DNAAF4: variants seen among roughly 807,000 people sequenced by gnomAD.
The protein encoded by DNAAF4 is dynein assembly factor 4, axonemal.
A neutral mutation model predicts 51.8 loss-of-function variants in DNAAF4; 43 were observed. That is an observed-to-expected ratio of 0.83 (90% CI 0.65 to 1.07). The LOEUF (loss-of-function observed/expected upper bound fraction) is 1.07, where lower values mean the gene tolerates loss of function less well. Ranked by LOEUF, DNAAF4 falls within the 50% of genes least tolerant of loss-of-function variation. The pLI, the probability that DNAAF4 is intolerant of heterozygous loss-of-function variation, is 0.00. For synonymous variants in DNAAF4, 194 were observed against 165.6 expected, an observed-to-expected ratio of 1.17 and a Z score of -1.32; for missense variants, 581 against 493.0, an observed-to-expected ratio of 1.18 and a Z score of -1.69.
intron 4 of DNAAF4, among the ~76,000 whole-genome samples, chr15:55,489,230 C>T (rs80205059): frequency 0.021 from 3,261 of 152,042 alleles, 133 homozygotes; most frequent in African/African-American, 0.075. Context: ...ATATCTATTG[C>T]CACAAATTCT....
chr15:55,437,808 T>C (rs2057639934), intron 7 of DNAAF4, among the ~76,000 whole-genome samples: 1 of 152,202 alleles, frequency 6.6e-6, no homozygotes, highest in Non-Finnish European at 1.5e-5. Context: ...GCTTTTCTCC[T>C]AGAGCCTTCA....
At chr15:55,427,165 C>G (rs1460293358), downstream of DNAAF4, among the ~76,000 whole-genome samples, 1 of 152,060 alleles carries the variant, frequency 6.6e-6, no homozygotes, top group East Asian at 1.9e-4. Context: ...CTCCTGGGTT[C>G]AAGCAATTCT....
intron 5 of DNAAF4, among the ~76,000 whole-genome samples, chr15:55,457,412 G>A (rs78297204): frequency 0.037 from 5,556 of 152,168 alleles, 101 homozygotes; most frequent in African/African-American, 0.05. Context: ...CACCCAAGGG[G>A]AGCCTGAGCC....
At chr15:55,420,503 G>A (rs776578862) in intron 7 of DNAAF4, among the ~76,000 whole-genome samples, 14 of 152,078 alleles carry the variant, frequency 9.2e-5, no homozygotes, top group South Asian at 6.2e-4. Context: ...TGAGTCATAA[G>A]GGGATTATAA....
intron 4 of DNAAF4, among the ~76,000 whole-genome samples, chr15:55,472,589 GC>G (rs1450104493): frequency 6.6e-6 from 1 of 152,072 alleles, no homozygotes; most frequent in Admixed American, 6.6e-5. Flanking sequence ...CTGCACTCTA[GC>G]CTGGGTGACA....
At chr15:55,455,001 G>A (rs1016872079) in intron 5 of DNAAF4, among the ~76,000 whole-genome samples, 1 of 148,886 alleles carries the variant, frequency 6.7e-6, no homozygotes, top group Non-Finnish European at 1.5e-5. Context: ...GTACAGATAA[G>A]TAAATAAAAA....
chr15:55,506,239 C>T (rs960670290), intron 1 of DNAAF4, among the ~76,000 whole-genome samples: 12 of 152,016 alleles, frequency 7.9e-5, no homozygotes, highest in Non-Finnish European at 4.4e-5. Flanking sequence ...GAAACACAAC[C>T]CCACAATAAA....
chr15:55,428,489 T>TCTTTTTC (rs1566997188), downstream of DNAAF4, among the ~76,000 whole-genome samples: 1 of 110,196 alleles, frequency 9.1e-6, no homozygotes, highest in Non-Finnish European at 1.9e-5. Flanking sequence ...TTTTTCTTTT[T>TCTTTTTC]TTTTTTTTTT....
At chr15:55,432,667 T>A in intron 8 of DNAAF4, 65 bp from the exon 9 acceptor site, 1 of 1,417,014 alleles carries the variant, frequency 7.1e-7, no homozygotes, top group Non-Finnish European at 9.7e-7. Flanking sequence ...AGCAAAAGGC[T>A]GGGCATGGTG....
intron 6 of DNAAF4, among the ~76,000 whole-genome samples, chr15:55,446,379 G>C (rs1214607190): frequency 2.7e-5 from 3 of 112,270 alleles, no homozygotes; most frequent in African/African-American, 3.6e-5. Flanking sequence ...CATCCCAGAT[G>C]ATGGGCGGCC....
At chr15:55,457,243 G>A (rs2058033812) in intron 5 of DNAAF4, among the ~76,000 whole-genome samples, 1 of 152,132 alleles carries the variant, frequency 6.6e-6, no homozygotes, top group Non-Finnish European at 1.5e-5. Flanking sequence ...GACTGGCCTT[G>A]GTGGCTGCCT....
chr15:55,496,159 A>C (rs1458676165), intron 3 of DNAAF4, among the ~76,000 whole-genome samples: 1 of 152,132 alleles, frequency 6.6e-6, no homozygotes, highest in Non-Finnish European at 1.5e-5. Context: ...AAACCTAGGG[A>C]GGCGGAGGTT....
chr15:55,431,381 C>T (rs1037927136), intron 9 of DNAAF4, among the ~76,000 whole-genome samples: 1 of 151,382 alleles, frequency 6.6e-6, no homozygotes, highest in Non-Finnish European at 1.5e-5. Flanking sequence ...CACACACACA[C>T]ACACACACAA....
At position 55,448,173 on chromosome 15, in the gene DNAAF4, C is replaced by T. The variant is rs184131689; in HGVS notation, c.783+2049G>A. The stretch of plus-strand genomic sequence containing the variant: ...TTCTGCATCTGGTGAGATAATCATG[C>T]GGTTTTTATCTTTGGTTCTGTTTAT... On this transcript the variant is annotated intron_variant, in intron 6 of 9. Coordinates refer to ENST00000321149, the MANE Select transcript of DNAAF4 (RefSeq NM_130810.4). Among the ~76,000 whole-genome samples, 122 of 152,042 alleles carry T rather than the reference C, an allele frequency of 8.0e-4. 1 individual carries two copies. Among genetic ancestry groups the T allele is most frequent in the African/African-American group, 2.8e-3 (115 of 41,474 alleles).
chr15:55,433,932 A>AATAT (rs2057554210), intron 8 of DNAAF4, among the ~76,000 whole-genome samples: 4 of 3,522 alleles, frequency 1.1e-3, no homozygotes, highest in Non-Finnish European at 1.3e-3. Flanking sequence ...ATTATATTAT[A>AATAT]TAAAATATAT....
chr15:55,442,817 G>C (rs1403309415), intron 6 of DNAAF4: 5 of 1,612,674 alleles, frequency 3.1e-6, no homozygotes, highest in African/African-American at 2.7e-5. Flanking sequence ...CTGATGTTGA[G>C]ATTGGCAGTC....
At chr15:55,424,343 A>G (rs2141384675) in intron 7 of DNAAF4, among the ~76,000 whole-genome samples, 1 of 152,354 alleles carries the variant, frequency 6.6e-6, no homozygotes, top group Non-Finnish European at 1.5e-5. Context: ...ATGCAGAACC[A>G]TGAACCAAAT....
At chr15:55,447,850 CAGAGGGG>C (rs201086945) in intron 6 of DNAAF4, among the ~76,000 whole-genome samples, 18 of 45,410 alleles carry the variant, frequency 4.0e-4, no homozygotes, top group African/African-American at 1.4e-3. Flanking sequence ...GGGGAGAGGG[CAGAGGGG>C]AGAGGGGAGA....
intron 4 of DNAAF4, among the ~76,000 whole-genome samples, chr15:55,472,794 G>C (rs2058273355): frequency 6.6e-6 from 1 of 152,096 alleles, no homozygotes. Context: ...AATCTAGAAT[G>C]AATGTCTGGT....
Sources: allele counts gnomAD v4.1 joint callset (sites outside exome capture counted in the v4.1 genomes callset), GRCh38; gene constraint gnomAD v4.1.1; transcripts MANE v1.5; gene names NCBI Gene and HGNC (gene_info 2026-07-23, HGNC 2026-07-21).